The following CDH12 variants were observed in gnomAD, a reference collection of about 807,000 sequenced individuals.
CDH12 encodes the protein cadherin-12.
Under a neutral mutation model 74.1 loss-of-function variants are expected in CDH12, and 41 were observed. That is an observed-to-expected ratio of 0.55 (90% CI 0.43 to 0.72). CDH12 has a LOEUF of 0.72. Ranked by LOEUF, CDH12 falls within the 30% of genes least tolerant of loss-of-function variation. The probability of loss-of-function intolerance (pLI) is 0.00; values close to 1 mark genes in which losing one functional copy is unlikely to be tolerated. For missense variants in CDH12, 945 were observed against 977.2 expected, an observed-to-expected ratio of 0.97 and a Z score of 0.44; for synonymous variants, 399 against 355.0, an observed-to-expected ratio of 1.12 and a Z score of -1.39.
At chr5:21,993,582 C>T (rs976686459) in intron 5 of CDH12, among the ~76,000 whole-genome samples, 1 of 152,292 alleles carries the variant, frequency 6.6e-6, no homozygotes, top group Non-Finnish European at 1.5e-5. Context: ...CCCCAGCTCA[C>T]AGCTGGCAGT....
At chr5:22,776,451 A>C (rs767547682) in intron 1 of CDH12, among the ~76,000 whole-genome samples, 1 of 152,118 alleles carries the variant, frequency 6.6e-6, no homozygotes, top group Non-Finnish European at 1.5e-5. Flanking sequence ...ATGTGTATAG[A>C]ATTGCAGAAG....
At chr5:22,768,304 A>C (rs556360520) in intron 1 of CDH12, among the ~76,000 whole-genome samples, 210 of 152,236 alleles carry the variant, frequency 1.4e-3, no homozygotes, top group African/African-American at 4.9e-3. Flanking sequence ...AATATGTGTT[A>C]TAATGTATTC....
intron 1 of CDH12, among the ~76,000 whole-genome samples, chr5:22,701,733 A>G (rs1290271462): frequency 1.3e-5 from 2 of 152,142 alleles, no homozygotes; most frequent in African/African-American, 2.4e-5. Flanking sequence ...TTCAAACACT[A>G]TCTTCTGAAA....
At chr5:22,844,149 A>C (rs1737200144) in intron 1 of CDH12, among the ~76,000 whole-genome samples, 5 of 152,126 alleles carry the variant, frequency 3.3e-5, no homozygotes. Context: ...TTATTCTCAC[A>C]AGAAAATTGA....
chr5:21,944,190 T>G (rs958423218), intron 6 of CDH12, among the ~76,000 whole-genome samples: 1 of 152,208 alleles, frequency 6.6e-6, no homozygotes, highest in Non-Finnish European at 1.5e-5. Context: ...GCACATTATC[T>G]TAAATATTTT....
At chr5:21,959,425 G>A in intron 6 of CDH12, among the ~76,000 whole-genome samples, 1 of 152,012 alleles carries the variant, frequency 6.6e-6, no homozygotes, top group Non-Finnish European at 1.5e-5. Context: ...AAGGTAAAGG[G>A]GGGCAAGCTG....
chr5:21,843,712 C>A (rs1327776535), intron 7 of CDH12, among the ~76,000 whole-genome samples: 1 of 151,990 alleles, frequency 6.6e-6, no homozygotes, highest in Non-Finnish European at 1.5e-5. Context: ...GGGGTGACAC[C>A]TTTTTAATCC....
chr5:21,807,752 C>A (rs1199595939), intron 9 of CDH12, among the ~76,000 whole-genome samples: 2 of 152,038 alleles, frequency 1.3e-5, no homozygotes, highest in East Asian at 3.9e-4. Flanking sequence ...ATGACCTATA[C>A]TCTGTGTGCA....
chr5:22,647,215 T>C (rs185521297), intron 1 of CDH12, among the ~76,000 whole-genome samples: 29 of 151,952 alleles, frequency 1.9e-4, no homozygotes, highest in Admixed American at 7.2e-4. Flanking sequence ...TTGTCTTCTC[T>C]GTATCTCAGG....
At chr5:22,266,587 A>C (rs1736128631) in intron 3 of CDH12, among the ~76,000 whole-genome samples, 1 of 152,140 alleles carries the variant, frequency 6.6e-6, no homozygotes, top group African/African-American at 2.4e-5. Context: ...AGGGTAGGAA[A>C]TATGTAAAAG....
chr5:22,219,134 T>C (rs967072341), intron 3 of CDH12, among the ~76,000 whole-genome samples: 4 of 151,728 alleles, frequency 2.6e-5, no homozygotes, highest in Admixed American at 2.6e-4. Context: ...TTCTCCATAA[T>C]GTGTATGGAA....
chr5:22,825,402 CTGAG>C (rs1736265832), intron 1 of CDH12, among the ~76,000 whole-genome samples: 2 of 152,074 alleles, frequency 1.3e-5, no homozygotes, highest in Admixed American at 1.3e-4. Flanking sequence ...GTAAGTCTTA[CTGAG>C]TGAGAAGATG....
Position 22,815,803 on chromosome 5 carries a change from TA to T in CDH12, c.-523+37254del, listed in dbSNP as rs913977609. Among the ~76,000 whole-genome samples, 31 of 138,248 alleles carry T rather than the reference TA, an allele frequency of 2.2e-4. 1 individual carries two copies. In the East Asian group the frequency reaches 5.0e-3, roughly 22 times the overall value. The allele number at this position is 138,248 out of a possible 152,430, so 90.7% of individuals were successfully genotyped here. Reference sequence around the variant, plus strand: ...AAAAAAAATAAATAAATAATAAAAATAAAAAAACATGAAAACATACTACCGG... The same window carrying T: ...AAAAAAAATAAATAAATAATAAAAATAAAAAACATGAAAACATACTACCGG... On this transcript the variant is annotated intron_variant, in intron 1 of 14. Coordinates refer to ENST00000382254, the MANE Select transcript of CDH12 (RefSeq NM_004061.5).
At chr5:21,916,518 T>G (rs1754101879) in intron 6 of CDH12, among the ~76,000 whole-genome samples, 1 of 152,140 alleles carries the variant, frequency 6.6e-6, no homozygotes, top group Non-Finnish European at 1.5e-5. Context: ...CCATTTTTTT[T>G]TTTCTTGGCA....
chr5:21,764,954 C>T (rs2149876114), intron 12 of CDH12, 24 bp downstream of exon 12: 1 of 1,612,736 alleles, frequency 6.2e-7, no homozygotes, highest in Non-Finnish European at 8.5e-7. Flanking sequence ...TTTATACACT[C>T]AAGGAACAAT....
intron 3 of CDH12, among the ~76,000 whole-genome samples, chr5:22,335,449 G>A (rs1561322404): frequency 6.6e-6 from 1 of 152,108 alleles, no homozygotes; most frequent in Non-Finnish European, 1.5e-5. Context: ...GCCAGACGTG[G>A]TGGCAGGCAA....
At position 22,511,477 on chromosome 5, in the gene CDH12, A is replaced by C. The variant is rs185948520; in HGVS notation, c.-522-6113T>G. ...GACTTCTAAAAAGCATATAAAAATG[A>C]TTCCACAGCCATTATCAGAGAAATC... is the stretch of plus-strand genomic sequence containing the variant. On this transcript the variant is annotated intron_variant, in intron 1 of 14. Coordinates refer to ENST00000382254, the MANE Select transcript of CDH12 (RefSeq NM_004061.5). 1.0e-2 allele frequency among the ~76,000 whole-genome samples: 1,517 copies of C among 152,326 alleles called. 85 individuals are homozygous for C. The highest frequency in any genetic ancestry group is 0.085 in the Admixed American group (1,300 of 15,296).
chr5:22,508,868 C>T (rs554606735), intron 1 of CDH12, among the ~76,000 whole-genome samples: 49 of 152,222 alleles, frequency 3.2e-4, no homozygotes, highest in South Asian at 2.1e-3. Context: ...AGCTGTACCC[C>T]GACAACCTTG....
At chr5:22,459,768 CA>C (rs1203673788) in intron 2 of CDH12, among the ~76,000 whole-genome samples, 6 of 152,068 alleles carry the variant, frequency 3.9e-5, no homozygotes, top group Admixed American at 3.9e-4. Flanking sequence ...AGATCAAGAC[CA>C]TCCTGGTTAA....
Sources: allele counts gnomAD v4.1 joint callset (sites outside exome capture counted in the v4.1 genomes callset), GRCh38; gene constraint gnomAD v4.1.1; transcripts MANE v1.5; gene names NCBI Gene and HGNC (gene_info 2026-07-23, HGNC 2026-07-21).